The following NRG1 variants were observed in gnomAD, a reference collection of about 807,000 sequenced individuals.
The protein encoded by NRG1 is neuregulin 1.
A neutral mutation model predicts 63.8 loss-of-function variants in NRG1; 18 were observed. The observed-to-expected ratio is 0.28, with a 90% CI of 0.19 to 0.42. NRG1 has a LOEUF of 0.42. Among genes scored for constraint, NRG1 ranks in the 10% least tolerant of loss-of-function variants. The pLI, the probability that NRG1 is intolerant of heterozygous loss-of-function variation, is 1.00. For missense variants in NRG1, 762 were observed against 814.7 expected (o/e 0.94, Z 0.79); for synonymous variants, 302 against 301.3 (o/e 1.00, Z -0.02).
chr8:31,948,070 G>A (rs1802904886), intron 1 of NRG1, among the ~76,000 whole-genome samples: 1 of 151,364 alleles, frequency 6.6e-6, no homozygotes, highest in African/African-American at 2.4e-5. Context: ...ACTGGAATGT[G>A]TGTGTGCGCA....
intron 6 of NRG1, among the ~76,000 whole-genome samples, chr8:32,731,558 C>T (rs1823672823): frequency 6.6e-6 from 1 of 152,114 alleles, no homozygotes; most frequent in South Asian, 2.1e-4. Context: ...CAAGCCAGAA[C>T]CTTGAGGGAA....
chr8:32,752,337 A>G (rs1212697017), intron 7 of NRG1, among the ~76,000 whole-genome samples: 2 of 152,172 alleles, frequency 1.3e-5, no homozygotes, highest in Non-Finnish European at 2.9e-5. Flanking sequence ...TCCTGTGGCT[A>G]TGGGGGAGGG....
At chr8:32,382,271 G>T (rs1430752188) in intron 1 of NRG1, among the ~76,000 whole-genome samples, 2 of 151,988 alleles carry the variant, frequency 1.3e-5, no homozygotes, top group South Asian at 2.1e-4. Flanking sequence ...AATAAAGGTG[G>T]GTTTGTTGGC....
intron 1 of NRG1, among the ~76,000 whole-genome samples, chr8:31,644,131 A>T (rs955557721): frequency 6.6e-6 from 1 of 152,242 alleles, no homozygotes; most frequent in African/African-American, 2.4e-5. Context: ...AGTCAGCATT[A>T]AAGAAAACTA....
chr8:32,177,167 T>C (rs1162514215), intron 1 of NRG1, among the ~76,000 whole-genome samples: 1 of 152,006 alleles, frequency 6.6e-6, no homozygotes, highest in Non-Finnish European at 1.5e-5. Context: ...GATGAGTTCA[T>C]GTCCTTTGTA....
chr8:31,701,137 C>T (rs552361877), intron 1 of NRG1, among the ~76,000 whole-genome samples: 12 of 152,196 alleles, frequency 7.9e-5, no homozygotes, highest in Middle Eastern at 3.4e-3. Flanking sequence ...TTCTCTGTGA[C>T]GATTCATTAC....
intron 1 of NRG1, among the ~76,000 whole-genome samples, chr8:31,843,078 C>G (rs1047181357): frequency 1.3e-5 from 2 of 151,960 alleles, no homozygotes; most frequent in Non-Finnish European, 2.9e-5. Flanking sequence ...AGAATTAGAA[C>G]TTGGATGTAG....
intron 1 of NRG1, among the ~76,000 whole-genome samples, chr8:32,057,974 A>T (rs548599719): frequency 6.6e-6 from 1 of 152,130 alleles, no homozygotes; most frequent in East Asian, 1.9e-4. Context: ...TCTATCTCAA[A>T]ATAGCTAAAA....
At chr8:31,783,603 C>CAAAAAAAAAA (rs772436543) in intron 1 of NRG1, among the ~76,000 whole-genome samples, 2 of 110,572 alleles carry the variant, frequency 1.8e-5, no homozygotes, top group Non-Finnish European at 1.9e-5. Flanking sequence ...TGTTTTCAGG[C>CAAAAAAAAAA]AAAAAAAAAA....
chr8:32,563,170 T>C (rs961549032), intron 1 of NRG1, among the ~76,000 whole-genome samples: 1 of 152,214 alleles, frequency 6.6e-6, no homozygotes, highest in Non-Finnish European at 1.5e-5. Context: ...TGTTAGTGTA[T>C]TTTATATGTG....
rs533850896 is a variant in NRG1, at chr8:31,668,524, A to T, written c.37+29093A>T. 2.0e-5 allele frequency among the ~76,000 whole-genome samples: 3 copies of T among 152,324 alleles called. No homozygotes were observed. The South Asian group carries it at 6.2e-4, about 32-fold the overall frequency. ...AAAAGTGTGAGACTAATCTCAGTTT[A>T]TTGTGAAATTCAATGGATCACAAAG... On this transcript the variant is annotated intron_variant, in intron 1 of 10. Coordinates refer to the NRG1 transcript ENST00000519301.
intron 5 of NRG1, among the ~76,000 whole-genome samples, chr8:32,695,306 A>C (rs1174299764): frequency 6.6e-6 from 1 of 151,994 alleles, no homozygotes; most frequent in Non-Finnish European, 1.5e-5. Flanking sequence ...GTGCCACTGC[A>C]CTCCAGCATG....
chr8:31,776,826 A>G (rs1819191638), intron 1 of NRG1, among the ~76,000 whole-genome samples: 2 of 152,180 alleles, frequency 1.3e-5, no homozygotes, highest in Non-Finnish European at 2.9e-5. Flanking sequence ...GCTGAGAATG[A>G]TGGTTTCCAG....
chr8:32,066,442 G>T (rs1180511855), intron 1 of NRG1, among the ~76,000 whole-genome samples: 9 of 152,140 alleles, frequency 5.9e-5, no homozygotes, highest in Non-Finnish European at 1.2e-4. Context: ...ATTAAATAGG[G>T]AATCCTTTCC....
At chr8:32,300,470 G>A (rs547433165) in intron 1 of NRG1, among the ~76,000 whole-genome samples, 1 of 152,260 alleles carries the variant, frequency 6.6e-6, no homozygotes, top group South Asian at 2.1e-4. Context: ...GTTTATCCAA[G>A]AATCTCTAAA....
intron 1 of NRG1, among the ~76,000 whole-genome samples, chr8:31,654,717 CGCCTGAG>C (rs1240933496): frequency 6.6e-6 from 1 of 152,156 alleles, no homozygotes; most frequent in Non-Finnish European, 1.5e-5. Flanking sequence ...GCAGGAGAAT[CGCCTGAG>C]GCCAGGAGTC....
intron 1 of NRG1, among the ~76,000 whole-genome samples, chr8:32,466,276 A>G (rs549197246): frequency 1.3e-5 from 2 of 151,700 alleles, no homozygotes; most frequent in Non-Finnish European, 2.9e-5. Flanking sequence ...GCAGTGAGCC[A>G]TGTTTATACC....
chr8:32,192,762 A>C (rs1842616474), intron 1 of NRG1, among the ~76,000 whole-genome samples: 1 of 152,186 alleles, frequency 6.6e-6, no homozygotes, highest in Non-Finnish European at 1.5e-5. Context: ...AGTAAGTAAA[A>C]CATAAAACAT....
intron 1 of NRG1, among the ~76,000 whole-genome samples, chr8:31,952,961 A>T (rs1199689408): frequency 6.6e-6 from 1 of 152,206 alleles, no homozygotes; most frequent in Non-Finnish European, 1.5e-5. Context: ...TTCCTGACTC[A>T]ATTATTTGCA....
Sources: gnomAD v4.1 joint callset for allele counts (sites outside exome capture counted in the v4.1 genomes callset) on GRCh38, gnomAD v4.1.1 for gene constraint, MANE v1.5 for transcripts, NCBI Gene and HGNC (gene_info 2026-07-23, HGNC 2026-07-21) for gene names.